PAK2: variants seen among roughly 807,000 people sequenced by gnomAD.
PAK2 encodes p21 (RAC1) activated kinase 2.
Under a neutral mutation model 65.9 loss-of-function variants are expected in PAK2, and 21 were observed. The ratio of observed to expected loss-of-function variants is 0.32; its 90% confidence interval spans 0.23 to 0.46. The LOEUF (loss-of-function observed/expected upper bound fraction) is 0.46. Ranked by LOEUF, PAK2 falls within the 20% of genes least tolerant of loss-of-function variation. PAK2 has a pLI of 1.00. For synonymous variants in PAK2, 204 were observed against 219.7 expected, an observed-to-expected ratio of 0.93 and a Z score of 0.63; for missense variants, 324 against 642.6, an observed-to-expected ratio of 0.50 and a Z score of 5.36.
chr3:196,759,610 T>C (rs371032475), intron 1 of PAK2, among the ~76,000 whole-genome samples: 329 of 143,478 alleles, frequency 2.3e-3, no homozygotes, highest in African/African-American at 8.3e-3. Flanking sequence ...CACTGCAACC[T>C]CTGCCTCCCA....
Position 196,793,573 on chromosome 3 carries a change from G to A in PAK2, c.188-8354G>A, listed in dbSNP as rs999662462. 7.2e-5 allele frequency among the ~76,000 whole-genome samples: 11 copies of A among 152,216 alleles called. No homozygotes were observed. In the East Asian group the frequency reaches 1.7e-3, roughly 24 times the overall value. ...AAAAACCCTTTATAAATGAGAGGGA[G>A]AGTCCAAAACAATAGGGATAAAAAC... On this transcript the variant is annotated intron_variant, in intron 2 of 14. Coordinates refer to ENST00000327134, the MANE Select transcript of PAK2 (RefSeq NM_002577.4).
Position 196,812,207 on chromosome 3 carries a change from T to A in PAK2, c.774-12T>A, listed in dbSNP as rs1159579667. On this transcript the variant is annotated splice_polypyrimidine_tract_variant and intron_variant, in intron 8 of 14. Coordinates refer to ENST00000327134, the MANE Select transcript of PAK2 (RefSeq NM_002577.4). ...TCAACCTTAAATCTGGTTGTGTGTT[T>A]TCTCCCTCTAGGGCTTCTGGTACAG... 6.5e-7 allele frequency: 1 copy of A among 1,530,010 alleles called. No individual in the cohort carries two copies. Among genetic ancestry groups the A allele is most frequent in the South Asian group, 1.1e-5 (1 of 89,358 alleles). 94.8% of individuals were successfully genotyped at this position (1,530,010 alleles called of 1,614,324 possible).
chr3:196,748,059 A>G (rs1713449799), intron 1 of PAK2, among the ~76,000 whole-genome samples: 1 of 152,134 alleles, frequency 6.6e-6, no homozygotes, highest in African/African-American at 2.4e-5. Flanking sequence ...TCTTTAATAT[A>G]CTATTCTGTT....
intron 1 of PAK2, among the ~76,000 whole-genome samples, chr3:196,752,722 T>C (rs935846364): frequency 6.6e-6 from 1 of 152,084 alleles, no homozygotes; most frequent in African/African-American, 2.4e-5. Flanking sequence ...GACCTCAGCC[T>C]CCCGAATAGC....
Position 196,832,488 on chromosome 3 carries a change from AGT to A in PAK2, c.*4087_*4088del, listed in dbSNP as rs1254946365. The stretch of plus-strand genomic sequence containing the variant: ...GGCTAGAAATAAACTTTTTAAAAAA[AGT>A]GTGCATTTTTCCCTTTCCTAAACTT... On this transcript the variant is annotated 3_prime_UTR_variant, in exon 15 of 15. Coordinates refer to ENST00000327134, the MANE Select transcript of PAK2 (RefSeq NM_002577.4). The A allele has an allele frequency of 1.3e-5, 2 of 152,164 alleles. No homozygotes were observed. Among genetic ancestry groups the A allele is most frequent in the East Asian group, 1.9e-4 (1 of 5,200 alleles). The allele number at this position is 152,164 out of a possible 1,614,324, so 9.4% of individuals were successfully genotyped here.
rs78040280 is a variant in PAK2, at chr3:196,751,174, G to T, written c.-22+11017G>T. Reference sequence around the variant, plus strand: ...TGTCTCGCTCATTATTTCATGTAGCGCAGTATTTTCAGGGTTTATCCATTT... The same window carrying T: ...TGTCTCGCTCATTATTTCATGTAGCTCAGTATTTTCAGGGTTTATCCATTT... On this transcript the variant is annotated intron_variant, in intron 1 of 14. Transcript: ENST00000327134. Among the ~76,000 whole-genome samples, 476 of 152,144 alleles carry T rather than the reference G, an allele frequency of 3.1e-3. 3 individuals are homozygous for T. The highest frequency in any genetic ancestry group is 0.011 in the African/African-American group (450 of 41,490).
rs538213107 is a variant in PAK2, at chr3:196,805,228, A to G, written c.437-124A>G. The G allele has an allele frequency of 1.5e-4, 88 of 598,130 alleles. 2 individuals carry two copies. The South Asian group carries it at 1.8e-3, about 12-fold the overall frequency. 37.1% of individuals were successfully genotyped at this position (598,130 alleles called of 1,614,324 possible). A position where few individuals can be genotyped will look rare whatever the true frequency, so the allele number is the denominator to read the frequency against. On this transcript the variant is annotated intron_variant, in intron 4 of 14. Transcript: ENST00000327134. ...GACTACTTGCGTGTTCATTTTTCTC[A>G]AGAGTTAATTCAACTTGAAATCAGT... is the stretch of plus-strand genomic sequence containing the variant.
intron 4 of PAK2, among the ~76,000 whole-genome samples, chr3:196,804,450 C>T (rs111653123): frequency 3.2e-3 from 475 of 150,438 alleles, no homozygotes; most frequent in African/African-American, 0.011. Context: ...TATGTGTGTG[C>T]GCACGCGCGT....
At chr3:196,763,827 T>C (rs1714065347) in intron 1 of PAK2, among the ~76,000 whole-genome samples, 1 of 152,150 alleles carries the variant, frequency 6.6e-6, no homozygotes, top group Non-Finnish European at 1.5e-5. Flanking sequence ...CTGGCCAGGC[T>C]CTGTCACCCA....
At chr3:196,746,528 T>C (rs1397672034) in intron 1 of PAK2, among the ~76,000 whole-genome samples, 1 of 152,152 alleles carries the variant, frequency 6.6e-6, no homozygotes, top group Non-Finnish European at 1.5e-5. Flanking sequence ...TTAATAAGAA[T>C]AGGCCGGGCA....
intron 1 of PAK2, among the ~76,000 whole-genome samples, chr3:196,749,829 GTT>G (rs77020093): frequency 9.4e-5 from 14 of 149,260 alleles, no homozygotes; most frequent in African/African-American, 3.5e-4. Context: ...ATTGTTTTCT[GTT>G]TTTTTTTTGA....
intron 8 of PAK2, 25 bp downstream of exon 8, chr3:196,810,678 A>G (rs1031940934): frequency 8.9e-6 from 10 of 1,126,302 alleles, no homozygotes; most frequent in Non-Finnish European, 1.2e-5. Flanking sequence ...CTGTATTACG[A>G]TAATATTCAG....
At chr3:196,761,629 A>C (rs1366622275) in intron 1 of PAK2, among the ~76,000 whole-genome samples, 5 of 133,464 alleles carry the variant, frequency 3.7e-5, no homozygotes, top group Non-Finnish European at 6.5e-5. Context: ...TATTCCACAA[A>C]GCCGCCATTG....
At chr3:196,781,415 A>G (rs1210609013) in intron 1 of PAK2, among the ~76,000 whole-genome samples, 1 of 152,170 alleles carries the variant, frequency 6.6e-6, no homozygotes, top group Non-Finnish European at 1.5e-5. Context: ...TATGGGTAGC[A>G]GGGTTGAAGT....
At position 196,812,781 on chromosome 3, in the gene PAK2, G is replaced by T; in HGVS notation, c.865G>T (p.Glu289Ter). ...QINLQKQPKK[E>*]LIINEILVMK... ...TAATTTACAGAAACAGCCAAAGAAGGAACTGATCATTAACGAGATTCTGGT... is the reference window on the plus strand; with the variant it reads ...TAATTTACAGAAACAGCCAAAGAAGTAACTGATCATTAACGAGATTCTGGT... The change falls in exon 10 of 15, where the codon GAA (glutamate) becomes TAA (stop). Residue 289 changes from glutamate (E) to a stop codon, truncating the protein, a stop_gained. Coordinates refer to ENST00000327134, the MANE Select transcript of PAK2 (RefSeq NM_002577.4). LOFTEE classifies it high-confidence loss of function. The T allele has an allele frequency of 6.4e-7, 1 of 1,574,588 alleles. No homozygotes were observed. Among genetic ancestry groups the T allele is most frequent in the South Asian group, 1.1e-5 (1 of 90,102 alleles).
chr3:196,782,464 G>A (rs745387030), intron 1 of PAK2, among the ~76,000 whole-genome samples, 162 bp from the exon 2 acceptor site: 2 of 152,152 alleles, frequency 1.3e-5, no homozygotes, highest in African/African-American at 2.4e-5. Context: ...AAACTCAAGA[G>A]AGTTACATCT....
At chr3:196,745,575 AG>A (rs1182420167) in intron 1 of PAK2, among the ~76,000 whole-genome samples, 3 of 152,146 alleles carry the variant, frequency 2.0e-5, no homozygotes, top group Non-Finnish European at 2.9e-5. Flanking sequence ...GCACTTTGGG[AG>A]GCCTAGGTGG....
intron 1 of PAK2, among the ~76,000 whole-genome samples, chr3:196,758,172 C>T (rs1313946147): frequency 6.6e-6 from 1 of 152,228 alleles, no homozygotes; most frequent in African/African-American, 2.4e-5. Context: ...AAGATAGATA[C>T]TCACTGGGTC....
rs1208200034 is a variant in PAK2 at position 196,808,557 on chromosome 3, C to CAAAAAAAAAAAAAAA, written c.709+647_709+661dup. On this transcript the variant is annotated intron_variant, in intron 7 of 14. Transcript: ENST00000327134. ...GCCTGGCAACAGTGAGACTCCATCT[C>CAAAAAAAAAAAAAAA]AAAAAAAAAAAAAAAAAAGCGAACC... 3.8e-3 allele frequency among the ~76,000 whole-genome samples: 214 copies of CAAAAAAAAAAAAAAA among 56,542 alleles called. 8 individuals carry two copies. The highest frequency in any genetic ancestry group is 0.014 in the African/African-American group (206 of 14,910). The allele number at this position is 56,542 out of a possible 152,430, so 37.1% of individuals were successfully genotyped here. A position where few individuals can be genotyped will look rare whatever the true frequency, so the allele number is the denominator to read the frequency against.
Sources: allele counts gnomAD v4.1 joint callset (sites outside exome capture counted in the v4.1 genomes callset), GRCh38; gene constraint gnomAD v4.1.1; transcripts MANE v1.5; gene names NCBI Gene and HGNC (gene_info 2026-07-23, HGNC 2026-07-21).